The following CTNNA2 variants were observed in gnomAD, a reference collection of about 807,000 sequenced individuals.
CTNNA2 encodes the protein catenin alpha-2.
In CTNNA2, 42 loss-of-function variants were observed where a neutral mutation model predicts 101.0. The observed-to-expected ratio is 0.42, with a 90% CI of 0.32 to 0.54. CTNNA2 has a LOEUF of 0.54. Among genes scored for constraint, CTNNA2 ranks in the 20% least tolerant of loss-of-function variants. The probability of loss-of-function intolerance (pLI) is 0.14; values close to 1 mark genes in which losing one functional copy is unlikely to be tolerated. For missense variants in CTNNA2, 871 were observed against 1,223.1 expected (o/e 0.71, Z 4.29); for synonymous variants, 450 against 456.4 (o/e 0.99, Z 0.18).
Position 79,514,292 on chromosome 2 carries a change from CT to C in CTNNA2, c.-6+1087del, listed in dbSNP as rs558463979. Reference sequence around the variant, plus strand: ...GAGAAATGAGGTTATACTCCACAGGCTTGTAAATATACCATTTAGATGGCAT... The same window carrying C: ...GAGAAATGAGGTTATACTCCACAGGCTGTAAATATACCATTTAGATGGCAT... On this transcript the variant is annotated intron_variant, in intron 1 of 18. Coordinates refer to ENST00000402739, the MANE Select transcript of CTNNA2 (RefSeq NM_001282597.3). Among the ~76,000 whole-genome samples, 143 of 152,280 alleles carry C rather than the reference CT, an allele frequency of 9.4e-4. 1 individual carries two copies. The highest frequency in any genetic ancestry group is 3.3e-3 in the African/African-American group (139 of 41,564).
In CTNNA2 at chr2:79,282,385, C is replaced by G. The variant is rs577023140; in HGVS notation, c.-405-30324C>G. On this transcript the variant is annotated intron_variant, in intron 2 of 21. Transcript: ENST00000466387. ...ACTCATCATCTAGCATTAGGTATAT[C>G]TCCCAGTGCTATCCCTCCCCGCTCC... is the stretch of plus-strand genomic sequence containing the variant. Among the ~76,000 whole-genome samples the G allele has an allele frequency of 8.5e-5, 13 of 152,208 alleles. No homozygotes were observed. The East Asian group carries it at 2.5e-3, about 30-fold the overall frequency.
chr2:79,864,334 CA>C (rs1681862628), intron 4 of CTNNA2, among the ~76,000 whole-genome samples: 1 of 152,152 alleles, frequency 6.6e-6, no homozygotes, highest in Non-Finnish European at 1.5e-5. Context: ...GTGTTTGAAA[CA>C]CCAGTGATTC....
intron 1 of CTNNA2, among the ~76,000 whole-genome samples, chr2:79,625,146 A>G (rs1373084848): frequency 6.6e-6 from 1 of 152,192 alleles, no homozygotes; most frequent in Non-Finnish European, 1.5e-5. Flanking sequence ...ATAGGAAAGA[A>G]CTTTAAGTAC....
rs142607003 is a variant in CTNNA2, at chr2:79,691,852, C to T, written c.102+40194C>T. On this transcript the variant is annotated intron_variant, in intron 2 of 18. Coordinates refer to ENST00000402739, the MANE Select transcript of CTNNA2 (RefSeq NM_001282597.3). ...AAACTGAAACTGGACCCCTTCCTTA[C>T]ACCTTATACAAAAATTAACTCAAGA... Among the ~76,000 whole-genome samples the T allele has an allele frequency of 7.1e-3, 1,079 of 152,170 alleles. 39 individuals are homozygous for T. In the East Asian group the frequency reaches 0.096, roughly 14 times the overall value.
intron 9 of CTNNA2, among the ~76,000 whole-genome samples, chr2:80,490,983 A>T (rs1405561395): frequency 1.3e-5 from 2 of 152,228 alleles, no homozygotes; most frequent in Non-Finnish European, 2.9e-5. Context: ...CTAATTTGAT[A>T]AATTGTTTCT....
intron 3 of CTNNA2, among the ~76,000 whole-genome samples, chr2:79,770,549 A>G (rs1261523434): frequency 1.3e-5 from 2 of 152,248 alleles, no homozygotes; most frequent in Non-Finnish European, 2.9e-5. Flanking sequence ...GTCTGCACAC[A>G]GTAAGCTATG....
chr2:80,040,416 C>T (rs867411899), intron 7 of CTNNA2, among the ~76,000 whole-genome samples: 3 of 152,124 alleles, frequency 2.0e-5, no homozygotes, highest in African/African-American at 4.8e-5. Context: ...GAGGGTCACA[C>T]AGCATGTTTA....
intron 4 of CTNNA2, chr2:79,500,935 T>A: frequency 6.6e-6 from 1 of 152,208 alleles, no homozygotes; most frequent in East Asian, 1.9e-4. Flanking sequence ...GTTTTGTCAC[T>A]TTTGTTTTCC....
At chr2:80,388,743 A>G (rs575127211) in intron 7 of CTNNA2, among the ~76,000 whole-genome samples, 3 of 152,364 alleles carry the variant, frequency 2.0e-5, no homozygotes, top group Admixed American at 2.0e-4. Context: ...TTAGGTGATG[A>G]TGTCAAAATA....
At chr2:79,227,234 G>GTT (rs1025704580) in intron 2 of CTNNA2, among the ~76,000 whole-genome samples, 3 of 152,152 alleles carry the variant, frequency 2.0e-5, no homozygotes, top group African/African-American at 7.2e-5. Context: ...GGACAAACGA[G>GTT]TTTTAATCTG....
rs1674890060 is a variant in CTNNA2 at position 79,259,287 on chromosome 2, AC to A, written c.-405-53417del. Among the ~76,000 whole-genome samples, 4 of 152,022 alleles carry A rather than the reference AC, an allele frequency of 2.6e-5. No homozygotes were observed. In the South Asian group the frequency reaches 8.3e-4, roughly 32 times the overall value. On this transcript the variant is annotated intron_variant, in intron 2 of 21. Coordinates refer to the CTNNA2 transcript ENST00000466387. ...GCATATCAGCCTACTTTACTTCTCC[AC>A]CCCCTCCTAACACACACCTACTTCC...
chr2:80,032,850 C>T (rs557666343), intron 7 of CTNNA2, among the ~76,000 whole-genome samples: 3 of 152,164 alleles, frequency 2.0e-5, no homozygotes, highest in Admixed American at 6.5e-5. Context: ...GACATACCAC[C>T]ATGTGCTTGG....
chr2:80,258,176 A>T (rs879263474), intron 7 of CTNNA2, among the ~76,000 whole-genome samples: 3 of 152,122 alleles, frequency 2.0e-5, no homozygotes, highest in Non-Finnish European at 4.4e-5. Context: ...GAAGCATTTT[A>T]TTGTTCTTTA....
intron 7 of CTNNA2, among the ~76,000 whole-genome samples, chr2:79,958,191 T>G (rs1386505833): frequency 2.0e-5 from 3 of 152,190 alleles, no homozygotes; most frequent in Non-Finnish European, 2.9e-5. Context: ...TCTATCAGCC[T>G]CTTCTCTGCA....
At chr2:80,553,206 A>C (rs989863233) in intron 11 of CTNNA2, among the ~76,000 whole-genome samples, 1 of 147,558 alleles carries the variant, frequency 6.8e-6, no homozygotes, top group Non-Finnish European at 1.5e-5. Flanking sequence ...CCTGGGCGAC[A>C]GAGGGAGACT....
At chr2:79,681,138 G>C (rs1683536381) in intron 2 of CTNNA2, among the ~76,000 whole-genome samples, 2 of 152,174 alleles carry the variant, frequency 1.3e-5, no homozygotes, top group South Asian at 4.1e-4. Flanking sequence ...CTGGGTGACA[G>C]AGTGAGATCC....
chr2:80,604,646 T>G (rs1327070486), intron 16 of CTNNA2, among the ~76,000 whole-genome samples: 2 of 152,070 alleles, frequency 1.3e-5, no homozygotes, highest in African/African-American at 4.8e-5. Context: ...ATTGCTTTAC[T>G]TTTATTTTCT....
chr2:80,062,759 G>A (rs1406097922), intron 7 of CTNNA2, among the ~76,000 whole-genome samples: 3 of 141,838 alleles, frequency 2.1e-5, no homozygotes, highest in African/African-American at 8.1e-5. Flanking sequence ...AGGCTGGAGT[G>A]CAGTGGCACT....
At position 80,223,005 on chromosome 2, in the gene CTNNA2, G is replaced by A. The variant is rs371827607; in HGVS notation, c.1057-170206G>A. ...TTTTGCTTGGATAGGATTTGTATTCGGGAAAATCTCAGTAATTGATTGTAC... is the reference window on the plus strand; with the variant it reads ...TTTTGCTTGGATAGGATTTGTATTCAGGAAAATCTCAGTAATTGATTGTAC... On this transcript the variant is annotated intron_variant, in intron 7 of 18. Coordinates refer to ENST00000402739, the MANE Select transcript of CTNNA2 (RefSeq NM_001282597.3). Among the ~76,000 whole-genome samples the A allele has an allele frequency of 2.1e-4, 32 of 152,110 alleles. No individual in the cohort carries two copies. In the East Asian group the frequency reaches 4.1e-3, roughly 19 times the overall value.
Sources: gnomAD v4.1 joint callset for allele counts (sites outside exome capture counted in the v4.1 genomes callset) on GRCh38, gnomAD v4.1.1 for gene constraint, MANE v1.5 for transcripts, NCBI Gene and HGNC (gene_info 2026-07-23, HGNC 2026-07-21) for gene names.